RBM26: variants seen among roughly 807,000 people sequenced by gnomAD.
RBM26 encodes RNA-binding protein 26.
RBM26 carries 30 observed loss-of-function variants against 123.6 expected under a neutral mutation model. That is an observed-to-expected ratio of 0.24 (90% CI 0.18 to 0.33). RBM26 has a LOEUF of 0.33. RBM26 is among the 10% of genes least tolerant of loss of function. The probability of loss-of-function intolerance (pLI) is 1.00; values close to 1 mark genes in which losing one functional copy is unlikely to be tolerated. For missense variants in RBM26, 947 were observed against 1,203.6 expected, an observed-to-expected ratio of 0.79 and a Z score of 3.15; for synonymous variants, 400 against 404.4, an observed-to-expected ratio of 0.99 and a Z score of 0.13.
chr13:79,404,163 TTTA>T (rs1299551040), intron 1 of RBM26, among the ~76,000 whole-genome samples: 2 of 152,206 alleles, frequency 1.3e-5, no homozygotes, highest in Non-Finnish European at 2.9e-5. Context: ...ACTTACTGTA[TTTA>T]TTATTATCAA....
chr13:79,355,482 A>G, intron 11 of RBM26, 98 bp from the exon 12 acceptor site: 1 of 858,120 alleles, frequency 1.2e-6, no homozygotes, highest in Non-Finnish European at 1.8e-6. Context: ...CCTTCCAAGT[A>G]AGATTCTGTA....
At position 79,358,323 on chromosome 13, in the gene RBM26, C is replaced by T; in HGVS notation, c.1640G>A (p.Ser547Asn). ...TCGACTAAAATGTTCATTAAGTTTG[C>T]TGATATTATTTAATTCTGGAGGAAC... ...RKVPPELNNISKLNEHFSRFG... is the reference protein window; with the variant it reads ...RKVPPELNNINKLNEHFSRFG... Residue 547 changes from serine (S) to asparagine (N), a missense_variant, in exon 11 of 22, where the codon AGC (serine) becomes AAC (asparagine). Physicochemically the swap from Ser to Asn is conservative, Grantham distance 46 (BLOSUM62 1). Transcript: ENST00000438737. 6.2e-7 allele frequency: 1 copy of T among 1,610,330 alleles called. No individual in the cohort carries two copies. The highest frequency in any genetic ancestry group is 8.5e-7 in the Non-Finnish European group (1 of 1,178,710).
At chr13:79,396,728 T>G (rs1235856234) in intron 1 of RBM26, among the ~76,000 whole-genome samples, 1 of 152,186 alleles carries the variant, frequency 6.6e-6, no homozygotes, top group Non-Finnish European at 1.5e-5. Context: ...ATAGAATACT[T>G]CCACTTGTTT....
Position 79,320,556 on chromosome 13 carries a change from A to T in RBM26, c.*65T>A. 7.2e-7 allele frequency: 1 copy of T among 1,397,104 alleles called. No homozygotes were observed. The highest frequency in any genetic ancestry group is 9.4e-7 in the Non-Finnish European group (1 of 1,064,282). The allele number at this position is 1,397,104 out of a possible 1,614,324, so 86.5% of individuals were successfully genotyped here. A position where few individuals can be genotyped will look rare whatever the true frequency, so the allele number is the denominator to read the frequency against. Reference sequence around the variant, plus strand: ...ATTGTTTTTACAAATATGTAAAAGTACATTAGATAATACTAATGAAACACA... The same window carrying T: ...ATTGTTTTTACAAATATGTAAAAGTTCATTAGATAATACTAATGAAACACA... On this transcript the variant is annotated 3_prime_UTR_variant, in exon 22 of 22. Coordinates refer to ENST00000438737, the MANE Select transcript of RBM26 (RefSeq NM_001366735.2).
intron 15 of RBM26, 41 bp from the exon 16 acceptor site, chr13:79,344,363 G>C (rs760254111): frequency 1.5e-6 from 2 of 1,363,326 alleles, no homozygotes; most frequent in East Asian, 2.3e-5. Context: ...ATATTACTAA[G>C]GATAAACAAT....
At chr13:79,354,651 T>G in intron 12 of RBM26, 81 bp from the exon 13 acceptor site, 1 of 1,288,546 alleles carries the variant, frequency 7.8e-7, no homozygotes, top group Non-Finnish European at 1.0e-6. Context: ...GTTACTACAT[T>G]GCCCATGCAG....
chr13:79,385,742 G>A (rs900687398), intron 1 of RBM26, among the ~76,000 whole-genome samples: 2 of 152,146 alleles, frequency 1.3e-5, no homozygotes, highest in Admixed American at 6.5e-5. Context: ...TGAGTAATCA[G>A]AAGAAGAATT....
intron 1 of RBM26, among the ~76,000 whole-genome samples, chr13:79,398,458 T>C (rs1281517702): frequency 3.9e-5 from 6 of 152,122 alleles, no homozygotes; most frequent in South Asian, 2.1e-4. Flanking sequence ...CCAAATAAGA[T>C]TGCAGCAGCA....
At chr13:79,394,672 T>C (rs1245012608) in intron 1 of RBM26, among the ~76,000 whole-genome samples, 1 of 152,172 alleles carries the variant, frequency 6.6e-6, no homozygotes, top group African/African-American at 2.4e-5. Flanking sequence ...CTCGCTCTGT[T>C]GCCCAGGCTG....
chr13:79,370,865 C>G, intron 5 of RBM26, 80 bp downstream of exon 5: 9 of 1,436,976 alleles, frequency 6.3e-6, no homozygotes, highest in Non-Finnish European at 8.6e-6. Flanking sequence ...GAAGACAACA[C>G]TGACAAAATG....
At chr13:79,405,632 AACTGC>A in intron 1 of RBM26, 67 bp downstream of exon 1, 1 of 1,117,366 alleles carries the variant, frequency 8.9e-7, no homozygotes, top group South Asian at 1.5e-5. Flanking sequence ...CACTTGGGGA[AACTGC>A]ACAGATCTCT....
In RBM26 at chr13:79,371,740, T is replaced by C. The variant is rs561719989; in HGVS notation, c.416+102A>G. 210 of 750,178 alleles carry C rather than the reference T, an allele frequency of 2.8e-4. 2 individuals are homozygous for C. The South Asian group carries it at 3.0e-3, about 11-fold the overall frequency. 46.5% of individuals were successfully genotyped at this position (750,178 alleles called of 1,614,324 possible). On this transcript the variant is annotated intron_variant, in intron 4 of 21. Coordinates refer to ENST00000438737, the MANE Select transcript of RBM26 (RefSeq NM_001366735.2). Reference sequence around the variant, plus strand: ...ATATTTTCCTAGACCAATAAAAGAGTAGATATTACTTGCCTCTGCGTAAAA... The same window carrying C: ...ATATTTTCCTAGACCAATAAAAGAGCAGATATTACTTGCCTCTGCGTAAAA...
intron 10 of RBM26, among the ~76,000 whole-genome samples, 165 bp from the exon 11 acceptor site, chr13:79,358,598 T>C (rs868040039): frequency 6.6e-6 from 1 of 152,182 alleles, no homozygotes; most frequent in African/African-American, 2.4e-5. Context: ...AACAATGAAG[T>C]TTCCAAATGA....
chr13:79,342,669 T>C lies in RBM26; in HGVS notation c.2422A>G (p.Thr808Ala). 6.2e-7 allele frequency: 1 copy of C among 1,601,272 alleles called. No homozygotes were observed. Among genetic ancestry groups the C allele is most frequent in the African/African-American group, 1.3e-5 (1 of 74,314 alleles). The change falls in exon 17 of 22, where the codon ACT becomes GCT. Residue 808 changes from threonine (T) to alanine (A), a missense_variant. Thr to Ala is a moderately conservative substitution (Grantham distance 58). Around this residue, in one of 5 missense-constraint regions of RBM26, gnomAD observed 493 missense variants for 563.1 expected, o/e 0.88. Transcript: ENST00000438737. Reference protein sequence around the residue: ...RCLPKSIKTKTQMQKELLDTE... With the variant: ...RCLPKSIKTKAQMQKELLDTE... ...ACAACAATGAAATTAAATACCTGAGTCTTGGTTTTTATACTTTTTGGAAGA... is the reference window on the plus strand; with the variant it reads ...ACAACAATGAAATTAAATACCTGAGCCTTGGTTTTTATACTTTTTGGAAGA...
intron 20 of RBM26, among the ~76,000 whole-genome samples, chr13:79,327,432 T>C (rs1393067336): frequency 6.6e-6 from 1 of 152,080 alleles, no homozygotes; most frequent in African/African-American, 2.4e-5. Flanking sequence ...TGCAAAAAAG[T>C]CAGTCACTAT....
chr13:79,341,054 T>G, intron 18 of RBM26, 69 bp downstream of exon 18: 4 of 829,632 alleles, frequency 4.8e-6, no homozygotes, highest in Non-Finnish European at 5.8e-6. Flanking sequence ...AGGGAATATA[T>G]TTTTAAATTG....
In RBM26 at chr13:79,402,522, A is replaced by G. The variant is rs1044401379; in HGVS notation, c.71+3182T>C. On this transcript the variant is annotated intron_variant, in intron 1 of 21. Coordinates refer to ENST00000438737, the MANE Select transcript of RBM26 (RefSeq NM_001366735.2). ...TTCCCACTATCCTTCAATAACATCC[A>G]AAGTCTTAAACATGACTCAACAAAG... Among the ~76,000 whole-genome samples the G allele has an allele frequency of 2.0e-5, 3 of 151,574 alleles. 1 individual carries two copies. The highest frequency in any genetic ancestry group is 4.2e-4 in the South Asian group (2 of 4,808).
downstream of RBM26, among the ~76,000 whole-genome samples, chr13:79,318,569 T>C (rs1305750998): frequency 6.6e-6 from 1 of 151,414 alleles, no homozygotes; most frequent in Non-Finnish European, 1.5e-5. Context: ...ATCTCCATTC[T>C]TTGGGATCAC....
At position 79,366,183 on chromosome 13, in the gene RBM26, G is replaced by A. The variant is rs2075252449; in HGVS notation, c.1148C>T (p.Pro383Leu). Residue 383 changes from proline to leucine, a missense_variant, in exon 8 of 22, where the codon CCA (proline) becomes CTA (leucine). This residue lies in a region of RBM26 where 493 missense variants were observed against 563.1 expected (regional missense o/e 0.88). Transcript: ENST00000438737. ...GCCAGATGGCTGCAAAGGAGGAAGT[G>A]GAGGTGGTGGTCCTGTCAAAACCAA... ...SLPPVTGPPP[P>L]LPPLQPSGMD... 6.2e-7 allele frequency: 1 copy of A among 1,613,156 alleles called. No homozygotes were observed. The highest frequency in any genetic ancestry group is 8.5e-7 in the Non-Finnish European group (1 of 1,179,546).
Sources: gnomAD v4.1 joint callset for allele counts (sites outside exome capture counted in the v4.1 genomes callset) on GRCh38, gnomAD v4.1.1 for gene constraint, gnomAD v4.1.1 regional missense constraint, MANE v1.5 for transcripts, NCBI Gene and HGNC (gene_info 2026-07-23, HGNC 2026-07-21) for gene names.